TUBB3: variants seen among roughly 807,000 people sequenced by gnomAD.
TUBB3 encodes the protein tubulin beta 3 class III.
Under a neutral mutation model 37.8 loss-of-function variants are expected in TUBB3, and 17 were observed. That is an observed-to-expected ratio of 0.45 (90% CI 0.31 to 0.67). The LOEUF is 0.67. TUBB3 is among the 30% of genes least tolerant of loss of function. TUBB3 has a pLI of 0.07. For missense variants in TUBB3, 262 were observed against 657.9 expected (o/e 0.40, Z 6.58); for synonymous variants, 332 against 278.9 (o/e 1.19, Z -1.90).
At chr16:89,933,393 A>C in intron 2 of TUBB3, 75 bp from the exon 3 acceptor site, 1 of 1,213,016 alleles carries the variant, frequency 8.2e-7, no homozygotes, top group Non-Finnish European at 1.2e-6. Flanking sequence ...GCAGGCGGGC[A>C]CAGAATTCAG....
Position 89,935,586 on chromosome 16 carries a change from A to G in TUBB3, c.1135A>G (p.Lys379Glu). The G allele has an allele frequency of 6.2e-7, 1 of 1,614,004 alleles. No homozygotes were observed. Among genetic ancestry groups the G allele is most frequent in the Non-Finnish European group, 8.5e-7 (1 of 1,180,006 alleles). The change falls in exon 4 of 4, where the codon AAG becomes GAG. Residue 379 changes from lysine (K) to glutamate (E), a missense_variant. Coordinates refer to ENST00000315491, the MANE Select transcript of TUBB3 (RefSeq NM_006086.4). ...GNSTAIQELF[K>E]RISEQFTAMF... ...CAGCACGGCCATCCAGGAGCTGTTC[A>G]AGCGCATCTCCGAGCAGTTCACGGC...
At chr16:89,928,801 G>GTT (rs2030179307) in intron 1 of TUBB3, among the ~76,000 whole-genome samples, 1 of 151,972 alleles carries the variant, frequency 6.6e-6, no homozygotes. Flanking sequence ...TAGGACCACA[G>GTT]ACAGGCGTGA....
intron 1 of TUBB3, among the ~76,000 whole-genome samples, chr16:89,928,350 C>G (rs893510650): frequency 6.6e-6 from 1 of 151,610 alleles, no homozygotes; most frequent in African/African-American, 2.4e-5. Context: ...GCCACCATGG[C>G]CAGCTGATTT....
chr16:89,930,055 C>CCTCT (rs1555625071), intron 1 of TUBB3, among the ~76,000 whole-genome samples: 3 of 108,730 alleles, frequency 2.8e-5, no homozygotes, highest in Non-Finnish European at 5.3e-5. Context: ...TTCCTTCCTT[C>CCTCT]CTTCCTCTCT....
chr16:89,924,906 C>G (rs2030019310), intron 1 of TUBB3, among the ~76,000 whole-genome samples: 1 of 151,672 alleles, frequency 6.6e-6, no homozygotes, highest in South Asian at 2.1e-4. Context: ...GGCCAAGCCT[C>G]CCCTGAGCAT....
At chr16:89,925,234 G>GC (rs1404476603) in intron 1 of TUBB3, among the ~76,000 whole-genome samples, 1 of 152,108 alleles carries the variant, frequency 6.6e-6, no homozygotes, top group African/African-American at 2.4e-5. Context: ...CTCTTAGTTT[G>GC]CCCGCTACTT....
Position 89,935,409 on chromosome 16 carries a change from C to T in TUBB3, c.958C>T (p.Arg320Cys), listed in dbSNP as rs2030422257. ...GACGGTGGCCACCGTGTTCCGGGGCCGCATGTCCATGAAGGAGGTGGACGA... is the reference window on the plus strand; with the variant it reads ...GACGGTGGCCACCGTGTTCCGGGGCTGCATGTCCATGAAGGAGGTGGACGA... ...YLTVATVFRG[R>C]MSMKEVDEQM... is the part of the protein sequence containing the mutation. Residue 320 changes from arginine (R) to cysteine (C), a missense_variant, in exon 4 of 4, where the codon CGC (arginine) becomes TGC (cysteine). Transcript: ENST00000315491. The T allele has an allele frequency of 6.2e-7, 1 of 1,614,158 alleles. No individual in the cohort carries two copies. The highest frequency in any genetic ancestry group is 8.5e-7 in the Non-Finnish European group (1 of 1,180,032).
rs879448062 is a variant in TUBB3, at chr16:89,927,383, TA to T, written c.57+3937del. On this transcript the variant is annotated intron_variant, in intron 1 of 3. Transcript: ENST00000315491. ...CTGGGCAATAGAGCAAGACCCTATC[TA>T]AAAAAAAAAAAGGAACAATATATTT... Among the ~76,000 whole-genome samples, 202 of 140,040 alleles carry T rather than the reference TA, an allele frequency of 1.4e-3. No homozygotes were observed. In the Middle Eastern group the frequency reaches 0.015, roughly 10 times the overall value. The allele number at this position is 140,040 out of a possible 152,430, so 91.9% of individuals were successfully genotyped here.
intron 3 of TUBB3, 66 bp downstream of exon 3, chr16:89,933,644 G>A (rs777430961): frequency 1.6e-5 from 20 of 1,244,618 alleles, no homozygotes; most frequent in Middle Eastern, 1.9e-4. Context: ...GTCGGTGGAC[G>A]GGGACGGCTG....
chr16:89,933,182 C>T (rs1385657069), intron 2 of TUBB3: 2 of 660,910 alleles, frequency 3.0e-6, no homozygotes, highest in East Asian at 3.0e-5. Flanking sequence ...CCTGCCTTGG[C>T]CTCCCAAAGT....
At chr16:89,925,669 G>T (rs1206087470) in intron 1 of TUBB3, among the ~76,000 whole-genome samples, 1 of 152,114 alleles carries the variant, frequency 6.6e-6, no homozygotes, top group Admixed American at 6.5e-5. Context: ...GGGCGGGGGC[G>T]GCAAGAGCGT....
At chr16:89,928,761 T>C (rs1333866944) in intron 1 of TUBB3, among the ~76,000 whole-genome samples, 2 of 152,032 alleles carry the variant, frequency 1.3e-5, no homozygotes, top group Non-Finnish European at 2.9e-5. Context: ...CCTGACCTCA[T>C]GATCCGCCCA....
chr16:89,935,381 C>T lies in TUBB3; in HGVS notation c.930C>T (p.Tyr310=), dbSNP rs2030420949. Residue 310 remains tyrosine (Y), a synonymous_variant, in exon 4 of 4, where the codon TAC becomes TAT. Coordinates refer to ENST00000315491, the MANE Select transcript of TUBB3 (RefSeq NM_006086.4). The part of the protein sequence containing the change: ...MAACDPRHGR[Y]LTVATVFRGR... The stretch of plus-strand genomic sequence containing the variant: ...CCTGCGACCCGCGCCACGGCCGCTA[C>T]CTGACGGTGGCCACCGTGTTCCGGG... 1 of 1,614,126 alleles carries T rather than the reference C, an allele frequency of 6.2e-7. No individual in the cohort carries two copies. Among genetic ancestry groups the T allele is most frequent in the South Asian group, 1.1e-5 (1 of 91,078 alleles).
At chr16:89,924,990 G>A (rs2030023914) in intron 1 of TUBB3, among the ~76,000 whole-genome samples, 1 of 151,718 alleles carries the variant, frequency 6.6e-6, no homozygotes, top group African/African-American at 2.4e-5. Flanking sequence ...GAGGGTCAGG[G>A]GTCTCTGGGG....
At chr16:89,928,566 C>T (rs1244560472) in intron 1 of TUBB3, among the ~76,000 whole-genome samples, 1 of 150,834 alleles carries the variant, frequency 6.6e-6, no homozygotes, top group Non-Finnish European at 1.5e-5. Flanking sequence ...TATCTGTTGC[C>T]CAGGCTGGAG....
At chr16:89,925,626 C>A (rs1189101723) in intron 1 of TUBB3, among the ~76,000 whole-genome samples, 5 of 151,982 alleles carry the variant, frequency 3.3e-5, no homozygotes, top group Non-Finnish European at 5.9e-5. Flanking sequence ...TTCTTTTTAA[C>A]AATGAAAGCA....
intron 1 of TUBB3, 30 bp downstream of exon 1, chr16:89,923,488 G>GC (rs909505587): frequency 6.3e-6 from 9 of 1,418,268 alleles, no homozygotes; most frequent in Non-Finnish European, 7.4e-6. Flanking sequence ...CCTGTCCCGG[G>GC]CCCCGGGGCG....
Position 89,923,357 on chromosome 16 carries a change from GGCCCGCCCGCGCCCGTCCGCAGCC to G in TUBB3, c.-37_-14del. 1 of 1,432,230 alleles carries G rather than the reference GGCCCGCCCGCGCCCGTCCGCAGCC, an allele frequency of 7.0e-7. No homozygotes were observed. The highest frequency in any genetic ancestry group is 9.2e-7 in the Non-Finnish European group (1 of 1,086,170). The allele number at this position is 1,432,230 out of a possible 1,614,324, so 88.7% of individuals were successfully genotyped here. ...GTCCCCGACCCTCAGCAGCCAGCCC[GGCCCGCCCGCGCCCGTCCGCAGCC>G]GCCCGCCAGACGCGCCCAGTATGAG... On this transcript the variant is annotated 5_prime_UTR_variant, in exon 1 of 4. Coordinates refer to ENST00000315491, the MANE Select transcript of TUBB3 (RefSeq NM_006086.4).
chr16:89,932,361 G>C (rs1171017136), intron 1 of TUBB3, among the ~76,000 whole-genome samples: 1 of 152,214 alleles, frequency 6.6e-6, no homozygotes, highest in East Asian at 1.9e-4. Flanking sequence ...GGCTGTGGTC[G>C]GCCTGGACGT....
Sources: gnomAD v4.1 joint callset for allele counts (sites outside exome capture counted in the v4.1 genomes callset) on GRCh38, gnomAD v4.1.1 for gene constraint, MANE v1.5 for transcripts, NCBI Gene and HGNC (gene_info 2026-07-23, HGNC 2026-07-21) for gene names.